Variants in TINAG observed in about 807,000 individuals in gnomAD.
The protein encoded by TINAG is tubulointerstitial nephritis antigen.
Under a neutral mutation model 72.7 loss-of-function variants are expected in TINAG, and 83 were observed. The observed-to-expected ratio is 1.14, with a 90% CI of 0.96 to 1.37. The LOEUF (loss-of-function observed/expected upper bound fraction) is 1.37. Among genes scored for constraint, TINAG ranks in the 40% most tolerant of loss-of-function variants. The pLI is 0.00. For synonymous variants in TINAG, 234 were observed against 189.9 expected (o/e 1.23, Z -1.91); for missense variants, 685 against 576.6 (o/e 1.19, Z -1.93).
intron 6 of TINAG, 78 bp from the exon 7 acceptor site, chr6:54,349,638 T>G: frequency 8.0e-7 from 1 of 1,256,148 alleles, no homozygotes. Context: ...AATGTTTAAT[T>G]CAGTAAGATT....
intron 8 of TINAG, among the ~76,000 whole-genome samples, chr6:54,351,802 A>C (rs932329572): frequency 6.6e-6 from 1 of 151,922 alleles, no homozygotes; most frequent in Non-Finnish European, 1.5e-5. Flanking sequence ...GTTTAAATAG[A>C]TTAGGTCGTG....
rs111994085 is a variant in TINAG at position 54,338,059 on chromosome 6, T to G, written c.625-5167T>G. Among the ~76,000 whole-genome samples the G allele has an allele frequency of 8.5e-5, 13 of 152,308 alleles. 1 individual carries two copies. Among genetic ancestry groups the G allele is most frequent in the African/African-American group, 3.1e-4 (13 of 41,572 alleles). On this transcript the variant is annotated intron_variant, in intron 4 of 10. Coordinates refer to ENST00000259782, the MANE Select transcript of TINAG (RefSeq NM_014464.4). ...TCTCTCAGAATGGAACCTCACACCC[T>G]TCGGTAAACTTAGAAAATATACGCC...
intron 9 of TINAG, among the ~76,000 whole-genome samples, chr6:54,379,458 C>T (rs1420515140): frequency 6.6e-6 from 1 of 152,010 alleles, no homozygotes; most frequent in Admixed American, 6.6e-5. Context: ...TCAGAATGGA[C>T]CAGTAGTGGA....
intron 6 of TINAG, among the ~76,000 whole-genome samples, 195 bp downstream of exon 6, chr6:54,347,712 C>A (rs551358773): frequency 6.6e-6 from 1 of 152,048 alleles, no homozygotes; most frequent in South Asian, 2.1e-4. Flanking sequence ...ATTAGAAACA[C>A]CTCCTGAAGA....
chr6:54,384,219 G>A (rs1202164894), intron 10 of TINAG, among the ~76,000 whole-genome samples: 1 of 152,132 alleles, frequency 6.6e-6, no homozygotes, highest in Non-Finnish European at 1.5e-5. Context: ...GGGGGGCTAG[G>A]AGAGGGATAG....
chr6:54,330,314 C>T (rs377249813), intron 4 of TINAG, among the ~76,000 whole-genome samples: 16 of 152,224 alleles, frequency 1.1e-4, no homozygotes, highest in East Asian at 5.8e-4. Context: ...CTCCAAACTG[C>T]ACAACTACAT....
At chr6:54,330,696 G>A (rs984512205) in intron 4 of TINAG, among the ~76,000 whole-genome samples, 26 of 152,108 alleles carry the variant, frequency 1.7e-4, no homozygotes, top group African/African-American at 5.6e-4. Context: ...TAACAAAACA[G>A]ATAGACCGCT....
chr6:54,374,644 G>T (rs984807044), intron 9 of TINAG, among the ~76,000 whole-genome samples: 1 of 151,936 alleles, frequency 6.6e-6, no homozygotes, highest in Admixed American at 6.6e-5. Context: ...TGTGTAATGG[G>T]AACTAAGACT....
chr6:54,316,186 A>G (rs542401470), intron 1 of TINAG, among the ~76,000 whole-genome samples: 45 of 152,266 alleles, frequency 3.0e-4, no homozygotes, highest in Non-Finnish European at 5.0e-4. Context: ...CCTCCTTTCT[A>G]CTTGGCTGGA....
intron 9 of TINAG, among the ~76,000 whole-genome samples, chr6:54,374,356 T>C (rs1763718849): frequency 1.3e-5 from 2 of 152,122 alleles, no homozygotes; most frequent in Admixed American, 1.3e-4. Flanking sequence ...TGATCTTAGA[T>C]ATATTGAACC....
At chr6:54,379,415 T>C (rs530176792) in intron 9 of TINAG, among the ~76,000 whole-genome samples, 2 of 152,236 alleles carry the variant, frequency 1.3e-5, no homozygotes, top group East Asian at 3.9e-4. Context: ...ATCGTGTACG[T>C]TTAGGTTTTT....
At chr6:54,315,624 C>T (rs186576359) in intron 1 of TINAG, among the ~76,000 whole-genome samples, 1 of 151,984 alleles carries the variant, frequency 6.6e-6, no homozygotes, top group East Asian at 1.9e-4. Context: ...CTTCTGTGAG[C>T]TATCATTCCA....
At chr6:54,373,354 G>C (rs193002357) in intron 9 of TINAG, among the ~76,000 whole-genome samples, 1 of 151,976 alleles carries the variant, frequency 6.6e-6, no homozygotes, top group Non-Finnish European at 1.5e-5. Flanking sequence ...TCTCAGATAC[G>C]CATTCATTTC....
At chr6:54,346,588 T>C (rs1785127947) in intron 5 of TINAG, among the ~76,000 whole-genome samples, 1 of 151,604 alleles carries the variant, frequency 6.6e-6, no homozygotes, top group African/African-American at 2.4e-5. Flanking sequence ...TAACTAATAG[T>C]ATTAGTTAAT....
intron 9 of TINAG, among the ~76,000 whole-genome samples, chr6:54,380,181 T>C (rs1211444016): frequency 7.9e-5 from 12 of 152,176 alleles, no homozygotes; most frequent in Non-Finnish European, 1.5e-5. Flanking sequence ...CTATCATTGA[T>C]GGGCATTTGG....
intron 10 of TINAG, among the ~76,000 whole-genome samples, chr6:54,387,059 A>G (rs1401321117): frequency 1.3e-5 from 2 of 152,302 alleles, no homozygotes; most frequent in East Asian, 1.9e-4. Context: ...TCTTACAAAT[A>G]TATAGGAAGA....
At chr6:54,365,000 T>A (rs1266024105) in intron 9 of TINAG, among the ~76,000 whole-genome samples, 1 of 151,566 alleles carries the variant, frequency 6.6e-6, no homozygotes. Context: ...TCCATTTATC[T>A]TTTCTTTTTC....
At position 54,389,886 on chromosome 6, in the gene TINAG, C is replaced by G. The variant is rs544720758; in HGVS notation, c.1392C>G (p.Ile464Met). ...AGTCCGACATTGAAAAGTTGATTATCGCAGCTTGGGGCCAACTGACGAGTT... is the reference window on the plus strand; with the variant it reads ...AGTCCGACATTGAAAAGTTGATTATGGCAGCTTGGGGCCAACTGACGAGTT... ...VNESDIEKLI[I>M]AAWGQLTSSD... Residue 464 changes from isoleucine to methionine, a missense_variant, in exon 11 of 11, where the codon ATC (isoleucine) becomes ATG (methionine). Physicochemically the swap from Ile to Met is conservative, Grantham distance 10 (BLOSUM62 1). Coordinates refer to ENST00000259782, the MANE Select transcript of TINAG (RefSeq NM_014464.4). 6.2e-7 allele frequency: 1 copy of G among 1,610,828 alleles called. No individual in the cohort carries two copies. Among genetic ancestry groups the G allele is most frequent in the Admixed American group, 1.7e-5 (1 of 59,460 alleles).
At chr6:54,340,863 C>T (rs1295303877) in intron 4 of TINAG, among the ~76,000 whole-genome samples, 1 of 151,974 alleles carries the variant, frequency 6.6e-6, no homozygotes, top group Non-Finnish European at 1.5e-5. Context: ...CAAATGCATG[C>T]TAGTATTATG....
Sources: allele counts gnomAD v4.1 joint callset (sites outside exome capture counted in the v4.1 genomes callset), GRCh38; gene constraint gnomAD v4.1.1; transcripts MANE v1.5; gene names NCBI Gene and HGNC (gene_info 2026-07-23, HGNC 2026-07-21).